VPS37A: variants seen among roughly 807,000 people sequenced by gnomAD.
The protein encoded by VPS37A is VPS37A subunit of ESCRT-I.
VPS37A carries 30 observed loss-of-function variants against 49.8 expected under a neutral mutation model. The ratio of observed to expected loss-of-function variants is 0.60; its 90% CI spans 0.45 to 0.82. The LOEUF (loss-of-function observed/expected upper bound fraction) is 0.82, where lower values mean the gene tolerates loss of function less well. Ranked by LOEUF, VPS37A falls within the 40% of genes least tolerant of loss-of-function variation. The pLI is 0.00. For synonymous variants in VPS37A, 195 were observed against 160.6 expected (o/e 1.21, Z -1.62); for missense variants, 593 against 464.4 (o/e 1.28, Z -2.55).
chr8:17,304,746 C>CGTGTGTGTGT (rs10527892), downstream of VPS37A, among the ~76,000 whole-genome samples: 15 of 147,082 alleles, frequency 1.0e-4, no homozygotes, highest in East Asian at 4.0e-4. Context: ...GTGTTCGATT[C>CGTGTGTGTGT]GTGTGTGTGT....
chr8:17,272,191 GC>G (rs1446312158), intron 4 of VPS37A: 44 of 417,956 alleles, frequency 1.1e-4, no homozygotes, highest in Non-Finnish European at 1.7e-4. Flanking sequence ...CCTCTTTGAG[GC>G]CCATTAGACC....
At chr8:17,283,730 A>G (rs1235006661) in intron 9 of VPS37A, among the ~76,000 whole-genome samples, 1 of 152,180 alleles carries the variant, frequency 6.6e-6, no homozygotes, top group African/African-American at 2.4e-5. Flanking sequence ...CCAGTACCAC[A>G]GTTTTGATTA....
chr8:17,259,768 A>T (rs938045334), intron 1 of VPS37A, among the ~76,000 whole-genome samples: 1 of 152,100 alleles, frequency 6.6e-6, no homozygotes, highest in Non-Finnish European at 1.5e-5. Flanking sequence ...GGGTGCATAG[A>T]TATTTCTAAT....
the VPS37A span, among the ~76,000 whole-genome samples, chr8:17,321,814 A>C: frequency 6.6e-6 from 1 of 152,222 alleles, no homozygotes; most frequent in East Asian, 1.9e-4. Context: ...TATTTGTTTT[A>C]TATAAAAGGA....
the VPS37A span, among the ~76,000 whole-genome samples, chr8:17,311,180 A>C: frequency 2.6e-5 from 4 of 152,172 alleles, no homozygotes; most frequent in South Asian, 2.1e-4. Context: ...TTACATATTC[A>C]TGTTACCTCA....
At chr8:17,256,983 T>G (rs1812524994) in intron 1 of VPS37A, among the ~76,000 whole-genome samples, 1 of 152,204 alleles carries the variant, frequency 6.6e-6, no homozygotes, top group South Asian at 2.1e-4. Context: ...TTTGAGGTCT[T>G]ACACAAAATT....
At chr8:17,275,839 G>T (rs1814461954) in intron 5 of VPS37A, among the ~76,000 whole-genome samples, 1 of 152,130 alleles carries the variant, frequency 6.6e-6, no homozygotes, top group Non-Finnish European at 1.5e-5. Flanking sequence ...GACCTAAGTG[G>T]ACTTGGTTTT....
chr8:17,285,919 T>C (rs1229110478), intron 10 of VPS37A, among the ~76,000 whole-genome samples: 1 of 152,248 alleles, frequency 6.6e-6, no homozygotes, highest in East Asian at 1.9e-4. Context: ...TTTTTTGTTT[T>C]TTTGGTTGTT....
rs1816561332 is a variant in VPS37A at position 17,295,604 on chromosome 8, TAAG to T, written c.*622_*624del. On this transcript the variant is annotated 3_prime_UTR_variant, in exon 12 of 12. Coordinates refer to ENST00000324849, the MANE Select transcript of VPS37A (RefSeq NM_152415.3). Reference sequence around the variant, plus strand: ...TCATTTTTAAAACTAAAGATGCATTTAAGAAGCAATACAAGTAAATATTTTACC... The same window carrying T: ...TCATTTTTAAAACTAAAGATGCATTTAAGCAATACAAGTAAATATTTTACC... The T allele has an allele frequency of 6.6e-6, 1 of 152,550 alleles. No individual in the cohort carries two copies. The highest frequency in any genetic ancestry group is 1.5e-5 in the Non-Finnish European group (1 of 68,012). The allele number at this position is 152,550 out of a possible 1,614,324, so 9.4% of individuals were successfully genotyped here. A position where few individuals can be genotyped will look rare whatever the true frequency, so the allele number is the denominator to read the frequency against.
chr8:17,320,424 C>T, the VPS37A span, among the ~76,000 whole-genome samples: 1 of 151,728 alleles, frequency 6.6e-6, no homozygotes, highest in Admixed American at 6.6e-5. Context: ...TGTAAGGTGG[C>T]AACAAGGCAA....
chr8:17,260,816 G>C (rs1812897527), intron 1 of VPS37A, among the ~76,000 whole-genome samples: 1 of 152,022 alleles, frequency 6.6e-6, no homozygotes, highest in Non-Finnish European at 1.5e-5. Flanking sequence ...TGGCCTATAT[G>C]GTTCTCATTG....
At chr8:17,249,662 A>T (rs905246084) in intron 1 of VPS37A, among the ~76,000 whole-genome samples, 1 of 152,180 alleles carries the variant, frequency 6.6e-6, no homozygotes, top group African/African-American at 2.4e-5. Context: ...GTAAGCTGGG[A>T]GGTAAAAAAT....
At chr8:17,303,357 G>GA (rs1008600752), downstream of VPS37A, among the ~76,000 whole-genome samples, 3 of 151,762 alleles carry the variant, frequency 2.0e-5, no homozygotes, top group East Asian at 1.9e-4. Context: ...AAATAATTAA[G>GA]AAAAAAAACC....
chr8:17,269,650 A>G (rs562482224), intron 4 of VPS37A, among the ~76,000 whole-genome samples: 3 of 152,238 alleles, frequency 2.0e-5, no homozygotes, highest in South Asian at 4.1e-4. Flanking sequence ...TACTCTCTAT[A>G]ACATTTGAGT....
chr8:17,250,295 G>A (rs1811853010), intron 1 of VPS37A, among the ~76,000 whole-genome samples: 1 of 152,070 alleles, frequency 6.6e-6, no homozygotes, highest in Non-Finnish European at 1.5e-5. Flanking sequence ...TGTTTTCTGA[G>A]CCCCAATACT....
At chr8:17,284,959 A>C (rs188300618) in intron 10 of VPS37A, among the ~76,000 whole-genome samples, 1 of 151,966 alleles carries the variant, frequency 6.6e-6, no homozygotes, top group Admixed American at 6.6e-5. Flanking sequence ...ACGTGTGGCT[A>C]TTTCCTGTCT....
intron 1 of VPS37A, among the ~76,000 whole-genome samples, chr8:17,264,617 A>T (rs942455646): frequency 6.6e-5 from 10 of 152,200 alleles, no homozygotes; most frequent in African/African-American, 2.2e-4. Context: ...CATATCCTAG[A>T]GTCTGGGTTT....
chr8:17,248,712 G>T (rs1046043952), intron 1 of VPS37A, among the ~76,000 whole-genome samples: 2 of 152,154 alleles, frequency 1.3e-5, no homozygotes, highest in Non-Finnish European at 2.9e-5. Flanking sequence ...TGCAAAATCA[G>T]TTTGGCTAAA....
the VPS37A span, among the ~76,000 whole-genome samples, chr8:17,320,263 C>T: frequency 1.6e-4 from 24 of 152,288 alleles, no homozygotes; most frequent in Admixed American, 2.6e-4. Flanking sequence ...TTGACTTAGA[C>T]TGCTCAAGGA....
Sources: allele counts gnomAD v4.1 joint callset (sites outside exome capture counted in the v4.1 genomes callset), GRCh38; gene constraint gnomAD v4.1.1; transcripts MANE v1.5; gene names NCBI Gene and HGNC (gene_info 2026-07-23, HGNC 2026-07-21).